Variants in POT1 observed in about 807,000 individuals in gnomAD.
POT1 encodes protection of telomeres protein 1.
In POT1, 47 loss-of-function variants were observed where a neutral mutation model predicts 78.5. The observed-to-expected ratio is 0.60, with a 90% CI of 0.47 to 0.76. POT1 has a LOEUF of 0.76. POT1 is among the 30% of genes least tolerant of loss of function. The pLI is 0.00. For synonymous variants in POT1, 259 were observed against 260.7 expected, an observed-to-expected ratio of 0.99 and a Z score of 0.06; for missense variants, 646 against 749.9, an observed-to-expected ratio of 0.86 and a Z score of 1.62.
chr7:124,886,845 T>C (rs1796253801), intron 6 of POT1, among the ~76,000 whole-genome samples: 1 of 152,144 alleles, frequency 6.6e-6, no homozygotes, highest in Non-Finnish European at 1.5e-5. Context: ...TGAAAATTAA[T>C]GTTGTCATCA....
chr7:124,926,994 G>T (rs1049699228), intron 2 of POT1, among the ~76,000 whole-genome samples: 10 of 152,108 alleles, frequency 6.6e-5, no homozygotes, highest in African/African-American at 2.4e-4. Context: ...TTGCTCCAGT[G>T]ACAGATGCAC....
chr7:124,843,141 T>G, intron 12 of POT1, 178 bp from the exon 13 acceptor site: 1 of 430,194 alleles, frequency 2.3e-6, no homozygotes, highest in East Asian at 3.7e-5. Flanking sequence ...ACTAGCATAG[T>G]GCCAGGCACA....
At chr7:124,924,659 C>G (rs1194775916) in intron 2 of POT1, among the ~76,000 whole-genome samples, 1 of 151,786 alleles carries the variant, frequency 6.6e-6, no homozygotes, top group Non-Finnish European at 1.5e-5. Flanking sequence ...ACAAAGAACA[C>G]AAAAACAAAA....
intron 7 of POT1, among the ~76,000 whole-genome samples, chr7:124,868,830 T>C (rs1795795716): frequency 6.6e-6 from 1 of 151,166 alleles, no homozygotes; most frequent in African/African-American, 2.4e-5. Flanking sequence ...TTCAATTTTT[T>C]TGAATTTTCA....
intron 16 of POT1, 31 bp from the exon 17 acceptor site, chr7:124,827,336 G>C (rs2116415467): frequency 7.8e-7 from 1 of 1,284,260 alleles, no homozygotes; most frequent in East Asian, 2.4e-5. Flanking sequence ...CAAACCATAT[G>C]AGTCTGCTAT....
intron 3 of POT1, among the ~76,000 whole-genome samples, chr7:124,914,524 AG>A (rs570906391): frequency 6.6e-6 from 1 of 152,222 alleles, no homozygotes; most frequent in Non-Finnish European, 1.5e-5. Context: ...AAAGAATAAA[AG>A]CCCTTCTTCT....
chr7:124,871,386 A>G (rs538551143), intron 6 of POT1, among the ~76,000 whole-genome samples: 2 of 152,216 alleles, frequency 1.3e-5, no homozygotes, highest in South Asian at 2.1e-4. Flanking sequence ...TAAAATAAAC[A>G]TAACTAAATT....
chr7:124,877,662 C>G (rs1056378973), intron 6 of POT1, among the ~76,000 whole-genome samples: 2 of 151,664 alleles, frequency 1.3e-5, no homozygotes, highest in East Asian at 3.9e-4. Flanking sequence ...GAAACCCCAT[C>G]TCTACTAAAA....
In POT1 at chr7:124,851,832, T is replaced by C. The variant is rs182906205; in HGVS notation, c.949+40A>G. ...ATTATGTTGATAAAACTATTTTATT[T>C]AGCAAGAACTAAACTGTCAATGTTA... On this transcript the variant is annotated intron_variant, in intron 11 of 18. Coordinates refer to ENST00000357628, the MANE Select transcript of POT1 (RefSeq NM_015450.3). The C allele has an allele frequency of 5.7e-4, 752 of 1,315,102 alleles. No homozygotes were observed. Among genetic ancestry groups the C allele is most frequent in the Admixed American group, 9.1e-4 (54 of 59,094 alleles). The allele number at this position is 1,315,102 out of a possible 1,614,324, so 81.5% of individuals were successfully genotyped here.
chr7:124,875,780 T>C (rs1795977087), intron 6 of POT1, among the ~76,000 whole-genome samples: 1 of 152,188 alleles, frequency 6.6e-6, no homozygotes, highest in Non-Finnish European at 1.5e-5. Flanking sequence ...AATATGGTAT[T>C]CTTATCCAGT....
At chr7:124,892,641 C>T (rs1006887812) in intron 5 of POT1, 8 of 221,868 alleles carry the variant, frequency 3.6e-5, no homozygotes, top group Non-Finnish European at 5.3e-5. Context: ...TATACTTCTT[C>T]AATAAAAACA....
At chr7:124,903,008 C>T (rs542426871) in intron 3 of POT1, among the ~76,000 whole-genome samples, 8 of 152,220 alleles carry the variant, frequency 5.3e-5, no homozygotes, top group East Asian at 3.9e-4. Flanking sequence ...AATACAGGAA[C>T]GCCGAGATTC....
intron 12 of POT1, 149 bp downstream of exon 12, chr7:124,846,793 G>T: frequency 1.9e-6 from 1 of 535,652 alleles, no homozygotes. Flanking sequence ...ACAAGACACG[G>T]TAGAAGAAGA....
At chr7:124,920,696 TAACAA>T (rs1797128607) in intron 2 of POT1, among the ~76,000 whole-genome samples, 1 of 152,122 alleles carries the variant, frequency 6.6e-6, no homozygotes, top group African/African-American at 2.4e-5. Flanking sequence ...GCATTCTACA[TAACAA>T]TCTGTTAACC....
At chr7:124,901,882 C>A (rs561423166) in intron 3 of POT1, among the ~76,000 whole-genome samples, 2 of 152,112 alleles carry the variant, frequency 1.3e-5, no homozygotes, top group African/African-American at 4.8e-5. Context: ...GATGCATGCA[C>A]AAGCTTCAGT....
At chr7:124,825,664 T>C (rs998970190) in intron 17 of POT1, among the ~76,000 whole-genome samples, 8 of 152,142 alleles carry the variant, frequency 5.3e-5, no homozygotes, top group African/African-American at 1.9e-4. Flanking sequence ...AAAAAAATCT[T>C]GTGCTAAGCT....
intron 3 of POT1, among the ~76,000 whole-genome samples, chr7:124,900,259 A>G (rs1214238401): frequency 1.3e-5 from 2 of 152,132 alleles, no homozygotes; most frequent in African/African-American, 4.8e-5. Flanking sequence ...TTCCACATAT[A>G]TTCTTTATTT....
chr7:124,855,218 C>CAAAAAAAAAAAAAAAAAAAAAAAAAAAA (rs550056711), intron 9 of POT1, among the ~76,000 whole-genome samples: 3 of 52,492 alleles, frequency 5.7e-5, no homozygotes, highest in Admixed American at 2.7e-4. Flanking sequence ...GAGAGGAGAG[C>CAAAAAAAAAAAAAAAAAAAAAAAAAAAA]AAAAAAAAAA....
At chr7:124,872,951 C>T (rs1323638288) in intron 6 of POT1, among the ~76,000 whole-genome samples, 1 of 152,140 alleles carries the variant, frequency 6.6e-6, no homozygotes, top group Non-Finnish European at 1.5e-5. Context: ...AACATCTTTT[C>T]GCATACCTGT....
Sources: allele counts gnomAD v4.1 joint callset (sites outside exome capture counted in the v4.1 genomes callset), GRCh38; gene constraint gnomAD v4.1.1; transcripts MANE v1.5; gene names NCBI Gene and HGNC (gene_info 2026-07-23, HGNC 2026-07-21).